The following TYK2 variants were observed in gnomAD, a reference collection of about 807,000 sequenced individuals.
The protein encoded by TYK2 is tyrosine kinase 2, also known as non-receptor tyrosine-protein kinase TYK2.
Under a neutral mutation model 130.9 loss-of-function variants are expected in TYK2, and 65 were observed. That is an observed-to-expected ratio of 0.50 (90% confidence interval 0.41 to 0.61). The LOEUF (loss-of-function observed/expected upper bound fraction) is 0.61. TYK2 is among the 20% of genes least tolerant of loss of function. TYK2 has a pLI of 0.00. For synonymous variants in TYK2, 647 were observed against 658.9 expected, an observed-to-expected ratio of 0.98 and a Z score of 0.28; for missense variants, 1,378 against 1,610.7, an observed-to-expected ratio of 0.86 and a Z score of 2.47.
chr19:10,370,940 C>T (rs1250842795), intron 3 of TYK2, among the ~76,000 whole-genome samples: 1 of 151,680 alleles, frequency 6.6e-6, no homozygotes, highest in African/African-American at 2.4e-5. Context: ...GAGTTCAAGA[C>T]CAGCCTAAGC....
Position 10,370,009 on chromosome 19 carries a change from ACT to A in TYK2, c.194-1593_194-1592del, listed in dbSNP as rs1324167158. 1.3e-5 allele frequency: 4 copies of A among 313,892 alleles called. 1 individual carries two copies. The highest frequency in any genetic ancestry group is 4.5e-5 in the African/African-American group (2 of 44,046). The allele number at this position is 313,892 out of a possible 1,614,324, so 19.4% of individuals were successfully genotyped here. On this transcript the variant is annotated intron_variant, in intron 3 of 24. Coordinates refer to ENST00000525621, the MANE Select transcript of TYK2 (RefSeq NM_003331.5). The stretch of plus-strand genomic sequence containing the variant: ...CAGTGAGCCGAGATTGCGCCACTGC[ACT>A]CCAGCCTGGGCGACAGAGCGAGACT...
chr19:10,351,045 G>C lies in TYK2; in HGVS notation c.3429+7C>G. On this transcript the variant is annotated splice_region_variant and intron_variant, in intron 24 of 24. Transcript: ENST00000525621. ...GTGGGGTCAGGGAAAGACAAAGGAA[G>C]TCTCACCTCACAGGGACATTTGTCG... 1.2e-6 allele frequency: 2 copies of C among 1,614,122 alleles called. No homozygotes were observed. Among genetic ancestry groups the C allele is most frequent in the Admixed American group, 1.7e-5 (1 of 60,000 alleles).
rs1140385 is a variant in TYK2 at position 10,354,582 on chromosome 19, G to C, written c.2645C>G (p.Pro882Arg). Reference sequence around the variant, plus strand: ...CGTAGGGTCCGACGCCGGTGAGTCCGGGTTCACAGTCAAGACGTCAGCAAG... The same window carrying C: ...CGTAGGGTCCGACGCCGGTGAGTCCCGGTTCACAGTCAAGACGTCAGCAAG... ...HNLADVLTVN[P>R]DSPASDPTVF... Residue 882 changes from proline to arginine, a missense_variant, in exon 19 of 25, where the codon CCG (proline) becomes CGG (arginine). Physicochemically the swap from Pro to Arg is moderately radical, Grantham distance 103 (BLOSUM62 -2). Transcript: ENST00000525621. 6.2e-7 allele frequency: 1 copy of C among 1,614,028 alleles called. No homozygotes were observed.
intron 6 of TYK2, 132 bp downstream of exon 6, chr19:10,366,285 T>G: frequency 2.1e-6 from 2 of 932,268 alleles, no homozygotes; most frequent in East Asian, 2.6e-5. Context: ...CCAGCCTAGG[T>G]GACAGAGAGA....
Position 10,364,600 on chromosome 19 carries a change from C to A in TYK2, c.1367+14G>T, listed in dbSNP as rs370879608. On this transcript the variant is annotated intron_variant, in intron 9 of 24. Coordinates refer to ENST00000525621, the MANE Select transcript of TYK2 (RefSeq NM_003331.5). This position sits in a 1 kb window ranked among gnomAD's most constrained non-coding sequence, Gnocchi z 4.9. Reference sequence around the variant, plus strand: ...CTTGGCGGTGGCCCCCAGCGCCCCCCACCCAGCACTCACAGCAGGGGTCCG... The same window carrying A: ...CTTGGCGGTGGCCCCCAGCGCCCCCAACCCAGCACTCACAGCAGGGGTCCG... 3 of 1,613,564 alleles carry A rather than the reference C, an allele frequency of 1.9e-6. No homozygotes were observed. Among genetic ancestry groups the A allele is most frequent in the Non-Finnish European group, 2.5e-6 (3 of 1,179,944 alleles).
Position 10,354,062 on chromosome 19 carries a change from T to C in TYK2, c.2888A>G (p.Lys963Arg), listed in dbSNP as rs1400138297. The change falls in exon 20 of 25, where the codon AAG becomes AGG. Residue 963 changes from lysine (K) to arginine (R), a missense_variant. Transcript: ENST00000525621. ...CCCACCTTGGTCCTCGCAGCAGCCC[T>C]TGTACTTGATGATGTGCTCGTGGTA... ...TLYHEHIIKY[K>R]GCCEDQGEKS... The C allele has an allele frequency of 1.2e-6, 2 of 1,614,084 alleles. No homozygotes were observed. The highest frequency in any genetic ancestry group is 1.7e-6 in the Non-Finnish European group (2 of 1,180,020).
intron 3 of TYK2, among the ~76,000 whole-genome samples, chr19:10,377,532 A>ATGGATGGATGGATGGGTGGG (rs2042177403): frequency 1.6e-5 from 1 of 63,066 alleles, no homozygotes; most frequent in African/African-American, 5.9e-5. Flanking sequence ...GGGTGGATGG[A>ATGGATGGATGGATGGGTGGG]TGGATGGATG....
At chr19:10,354,812 G>A (rs1599330534) in intron 18 of TYK2, among the ~76,000 whole-genome samples, 1 of 152,138 alleles carries the variant, frequency 6.6e-6, no homozygotes, top group Non-Finnish European at 1.5e-5. Context: ...CTGTTTGGGA[G>A]GCCGAGGCGG....
rs1464862790 is a variant in TYK2 at position 10,365,535 on chromosome 19, C to T, written c.993G>A (p.Glu331=). 1.9e-6 allele frequency: 3 copies of T among 1,614,084 alleles called. No homozygotes were observed. Among genetic ancestry groups the T allele is most frequent in the Non-Finnish European group, 2.5e-6 (3 of 1,180,006 alleles). ...TGCTCACCTCCTCCTTGTTCACCTC[C>T]TCCTCTACTGGCCACCACTGGATGC... ...TGGIQWWPVE[E]EVNKEEGSSG... is the part of the protein sequence containing the mutation. Residue 331 remains glutamate (E), a synonymous_variant, in exon 7 of 25, where the codon GAG becomes GAA. Coordinates refer to ENST00000525621, the MANE Select transcript of TYK2 (RefSeq NM_003331.5).
intron 17 of TYK2, 92 bp from the exon 18 acceptor site, chr19:10,356,810 C>G (rs546171130): frequency 7.4e-7 from 1 of 1,359,848 alleles, no homozygotes; most frequent in Non-Finnish European, 1.0e-6. Flanking sequence ...GAGTGGACCG[C>G]CAGGTGCCCG....
At chr19:10,380,013 G>A (rs1351466086) in intron 1 of TYK2, among the ~76,000 whole-genome samples, 6 of 152,162 alleles carry the variant, frequency 3.9e-5, no homozygotes. Context: ...TGGAAGTGGA[G>A]GGGCTGTCAC....
chr19:10,371,953 G>A (rs1446862591), intron 3 of TYK2, among the ~76,000 whole-genome samples: 1 of 152,032 alleles, frequency 6.6e-6, no homozygotes, highest in Non-Finnish European at 1.5e-5. Context: ...TCACTGTCCA[G>A]GAGTGGAACT....
intron 3 of TYK2, 34 bp from the exon 4 acceptor site, chr19:10,368,452 G>T (rs375503304): frequency 6.2e-7 from 1 of 1,613,660 alleles, no homozygotes. Context: ...CAGGAGTCAC[G>T]TCATTTGCTA....
intron 2 of TYK2, among the ~76,000 whole-genome samples, chr19:10,379,241 A>G (rs1248817314): frequency 6.6e-6 from 1 of 151,864 alleles, no homozygotes; most frequent in East Asian, 1.9e-4. Flanking sequence ...AAGTGGGAGG[A>G]TCTCCTGAGC....
intron 18 of TYK2, among the ~76,000 whole-genome samples, chr19:10,354,874 AC>A (rs1288708686): frequency 6.7e-6 from 1 of 149,422 alleles, no homozygotes; most frequent in Non-Finnish European, 1.5e-5. Context: ...ACATGGTGAA[AC>A]CCCCTCTCTA....
At position 10,361,591 on chromosome 19, in the gene TYK2, TAGA is replaced by T. The variant is rs1221214145; in HGVS notation, c.1964_1966del (p.Phe655del). ...CTGGCTCATGAGGCTGGCTGTCTCG[TAGA>T]AGGCCTGTGGGGACCGGGCAGGTCA... On this transcript the variant is annotated inframe_deletion, in exon 14 of 25. Coordinates refer to ENST00000525621, the MANE Select transcript of TYK2 (RefSeq NM_003331.5). The surrounding 1 kb of genome is among the most constrained non-coding windows in gnomAD (Gnocchi z 4.0). 6.5e-7 allele frequency: 1 copy of T among 1,549,050 alleles called. No individual in the cohort carries two copies. The highest frequency in any genetic ancestry group is 2.0e-5 in the Admixed American group (1 of 51,006).
chr19:10,368,727 G>A (rs563916259), intron 3 of TYK2: 27 of 391,496 alleles, frequency 6.9e-5, no homozygotes, highest in South Asian at 1.8e-4. Context: ...TTCACCACCC[G>A]AGGTATGATG....
intron 17 of TYK2, 117 bp downstream of exon 17, chr19:10,357,647 A>C (rs1479257785): frequency 3.5e-6 from 5 of 1,426,142 alleles, no homozygotes; most frequent in African/African-American, 1.4e-5. Context: ...CTGGTAGCCC[A>C]GAGAGACTTG....
Position 10,353,905 on chromosome 19 carries a change from G to A in TYK2, c.2908+137C>T. On this transcript the variant is annotated intron_variant, in intron 20 of 24. Transcript: ENST00000525621. The surrounding 1 kb of genome is among the most constrained non-coding windows in gnomAD (Gnocchi z 6.9). ...GAGGCAGCCCAGCCACGCTCACCCA[G>A]ATGCCAAGAACCGCGTACTGCAGCC... 1 of 987,492 alleles carries A rather than the reference G, an allele frequency of 1.0e-6. No homozygotes were observed. Among genetic ancestry groups the A allele is most frequent in the East Asian group, 2.6e-5 (1 of 38,348 alleles). The allele number at this position is 987,492 out of a possible 1,614,324, so 61.2% of individuals were successfully genotyped here. A position where few individuals can be genotyped will look rare whatever the true frequency, so the allele number is the denominator to read the frequency against.
Sources: gnomAD v4.1 joint callset for allele counts (sites outside exome capture counted in the v4.1 genomes callset) on GRCh38, gnomAD v4.1.1 for gene constraint, Gnocchi (gnomAD v3.1) non-coding constraint, MANE v1.5 for transcripts, NCBI Gene and HGNC (gene_info 2026-07-23, HGNC 2026-07-21) for gene names.